HPCAL1: variants seen among roughly 807,000 people sequenced by gnomAD.
HPCAL1 encodes the protein hippocalcin like 1.
HPCAL1 carries 8 observed loss-of-function variants against 17.1 expected under a neutral mutation model. That is an observed-to-expected ratio of 0.47 (90% confidence interval 0.27 to 0.84). The LOEUF (loss-of-function observed/expected upper bound fraction) is 0.84. Ranked by LOEUF, HPCAL1 falls within the 40% of genes least tolerant of loss-of-function variation. The probability of loss-of-function intolerance (pLI) is 0.13; values close to 1 mark genes in which losing one functional copy is unlikely to be tolerated. For synonymous variants in HPCAL1, 112 were observed against 111.4 expected, an observed-to-expected ratio of 1.01 and a Z score of -0.03; for missense variants, 165 against 271.1, an observed-to-expected ratio of 0.61 and a Z score of 2.75.
chr2:10,318,527 G>A (rs1663467998), intron 1 of HPCAL1, among the ~76,000 whole-genome samples: 2 of 152,342 alleles, frequency 1.3e-5, no homozygotes, highest in South Asian at 4.1e-4. Flanking sequence ...ACGTGGGTGT[G>A]GTTAGAGTTG....
intron 4 of HPCAL1, chr2:10,424,643 T>C (rs1160895302): frequency 2.1e-6 from 1 of 470,752 alleles, no homozygotes; most frequent in African/African-American, 2.0e-5. Flanking sequence ...GGCATGGTCG[T>C]TGCTAATGTG....
At position 10,310,737 on chromosome 2, in the gene HPCAL1, C is replaced by G. The variant is rs190594463; in HGVS notation, c.-111+7560C>G. On this transcript the variant is annotated intron_variant, in intron 1 of 4. Coordinates refer to ENST00000307845, the MANE Select transcript of HPCAL1 (RefSeq NM_002149.4). This position sits in a 1 kb window ranked among gnomAD's most constrained non-coding sequence, Gnocchi z 4.5. Reference sequence around the variant, plus strand: ...AGCATGGATCGGGTCTGGGAGTGTTCGTGCTGGCAGGCCGGAGGAGGACTG... The same window carrying G: ...AGCATGGATCGGGTCTGGGAGTGTTGGTGCTGGCAGGCCGGAGGAGGACTG... 6.6e-6 allele frequency among the ~76,000 whole-genome samples: 1 copy of G among 152,070 alleles called. No homozygotes were observed. Among genetic ancestry groups the G allele is most frequent in the Non-Finnish European group, 1.5e-5 (1 of 68,026 alleles).
At chr2:10,358,624 CG>C (rs1304241137) in intron 1 of HPCAL1, among the ~76,000 whole-genome samples, 1 of 152,140 alleles carries the variant, frequency 6.6e-6, no homozygotes, top group Non-Finnish European at 1.5e-5. Context: ...AAGAGGACGT[CG>C]GGGGAACATG....
intron 2 of HPCAL1, among the ~76,000 whole-genome samples, chr2:10,399,557 TACCGCC>T (rs1391668636): frequency 1.2e-5 from 1 of 84,178 alleles, no homozygotes; most frequent in African/African-American, 4.6e-5. Context: ...CCGCCACCAC[TACCGCC>T]ACCGCCACCA....
At chr2:10,334,680 A>G (rs945704064) in intron 1 of HPCAL1, among the ~76,000 whole-genome samples, 4 of 146,504 alleles carry the variant, frequency 2.7e-5, no homozygotes, top group Non-Finnish European at 5.9e-5. Context: ...TAACTGCTGT[A>G]TACAATTCCA....
rs554268840 is a variant in HPCAL1, at chr2:10,341,868, T to C, written c.-111+38691T>C. Among the ~76,000 whole-genome samples the C allele has an allele frequency of 5.5e-4, 84 of 152,262 alleles. 3 individuals are homozygous for C. In the South Asian group the frequency reaches 0.017, roughly 32 times the overall value. On this transcript the variant is annotated intron_variant, in intron 1 of 4. Transcript: ENST00000307845. ...GTTGAAGAAGTCCTTTATTTCAAAG[T>C]TTCTCTGGGCTGGGCGTGCTGGCTC...
At chr2:10,378,187 A>AC (rs35345482) in intron 1 of HPCAL1, among the ~76,000 whole-genome samples, 6,625 of 144,612 alleles carry the variant, frequency 0.046, 186 homozygotes, top group Middle Eastern at 0.15. Flanking sequence ...TTCTGCAGCT[A>AC]CTTGCCCAAG....
chr2:10,348,124 A>G (rs1281359791), intron 1 of HPCAL1, among the ~76,000 whole-genome samples: 3 of 152,206 alleles, frequency 2.0e-5, no homozygotes, highest in African/African-American at 7.2e-5. Context: ...TTTTGTACAC[A>G]TCAGAGCAGT....
At chr2:10,325,357 C>G (rs1265113173) in intron 1 of HPCAL1, among the ~76,000 whole-genome samples, 1 of 152,208 alleles carries the variant, frequency 6.6e-6, no homozygotes, top group African/African-American at 2.4e-5. Flanking sequence ...ACTTATTTTT[C>G]AGCCCCAGCC....
intron 2 of HPCAL1, among the ~76,000 whole-genome samples, chr2:10,413,787 T>C (rs545795384): frequency 4.6e-5 from 7 of 152,388 alleles, no homozygotes; most frequent in South Asian, 4.1e-4. Flanking sequence ...CATCCTGGGA[T>C]AAATTTCTCC....
intron 1 of HPCAL1, among the ~76,000 whole-genome samples, chr2:10,375,003 T>C (rs1369447032): frequency 6.6e-6 from 1 of 151,948 alleles, no homozygotes; most frequent in Non-Finnish European, 1.5e-5. Flanking sequence ...CGCAGAGGAG[T>C]AGGCCTTGGC....
chr2:10,324,816 GTTTTTTTTTTTT>G (rs3036350), intron 1 of HPCAL1, among the ~76,000 whole-genome samples: 2 of 66,388 alleles, frequency 3.0e-5, no homozygotes, highest in East Asian at 5.3e-4. Context: ...TGGTTTTTGT[GTTTTTTTTTTTT>G]TTTTTTTTTT....
At chr2:10,387,427 T>C (rs1469027219) in intron 1 of HPCAL1, among the ~76,000 whole-genome samples, 1 of 152,100 alleles carries the variant, frequency 6.6e-6, no homozygotes, top group Non-Finnish European at 1.5e-5. Flanking sequence ...TCCCCCACCC[T>C]CTCACCCCCA....
chr2:10,361,227 G>T (rs1318562094), intron 1 of HPCAL1, among the ~76,000 whole-genome samples: 2 of 146,916 alleles, frequency 1.4e-5, no homozygotes, highest in Non-Finnish European at 3.0e-5. Context: ...CCAAGCAATG[G>T]TTGTAGAGGG....
intron 1 of HPCAL1, among the ~76,000 whole-genome samples, chr2:10,348,687 G>C (rs182482786): frequency 2.0e-5 from 3 of 152,070 alleles, no homozygotes; most frequent in Non-Finnish European, 2.9e-5. Context: ...GCTGAGGTGG[G>C]AAGATCACTT....
chr2:10,398,218 G>T (rs1669185421), intron 2 of HPCAL1, among the ~76,000 whole-genome samples: 1 of 152,216 alleles, frequency 6.6e-6, no homozygotes, highest in African/African-American at 2.4e-5. Flanking sequence ...GCCCCATCTG[G>T]CCATGCCCAG....
intron 2 of HPCAL1, among the ~76,000 whole-genome samples, chr2:10,414,039 C>T (rs548400921): frequency 1.2e-4 from 19 of 152,370 alleles, no homozygotes; most frequent in Middle Eastern, 6.8e-3. Flanking sequence ...GAGGCCAGAC[C>T]GCCTGGGTCC....
chr2:10,388,242 G>T (rs1668452768), intron 1 of HPCAL1, among the ~76,000 whole-genome samples: 1 of 152,184 alleles, frequency 6.6e-6, no homozygotes, highest in Admixed American at 6.5e-5. Context: ...TTCCCCTGTG[G>T]CTGCCTCACT....
At chr2:10,392,911 G>C (rs560329007) in intron 1 of HPCAL1, among the ~76,000 whole-genome samples, 2 of 152,374 alleles carry the variant, frequency 1.3e-5, no homozygotes, top group African/African-American at 4.8e-5. Flanking sequence ...CAGACTCCCA[G>C]TTGGGGAGTT....
Sources: gnomAD v4.1 joint callset for allele counts (sites outside exome capture counted in the v4.1 genomes callset) on GRCh38, gnomAD v4.1.1 for gene constraint, Gnocchi (gnomAD v3.1) non-coding constraint, MANE v1.5 for transcripts, NCBI Gene and HGNC (gene_info 2026-07-23, HGNC 2026-07-21) for gene names.